Variants in ESF1 observed in about 807,000 individuals in gnomAD.
The protein encoded by ESF1 is ESF1 homolog.
Under a neutral mutation model 92.0 loss-of-function variants are expected in ESF1, and 58 were observed. The ratio of observed to expected loss-of-function variants is 0.63; its 90% confidence interval spans 0.51 to 0.78. ESF1 has a LOEUF of 0.78. ESF1 is among the 30% of genes least tolerant of loss of function. The pLI, the probability that ESF1 is intolerant of heterozygous loss-of-function variation, is 0.00. For synonymous variants in ESF1, 321 were observed against 313.7 expected (o/e 1.02, Z -0.24); for missense variants, 922 against 989.1 (o/e 0.93, Z 0.91).
intron 10 of ESF1, 27 bp from the exon 11 acceptor site, chr20:13,728,492 A>T: frequency 6.8e-7 from 1 of 1,470,582 alleles, no homozygotes; most frequent in Non-Finnish European, 9.3e-7. Context: ...AAAAATACAA[A>T]ATTTCATTAT....
intron 6 of ESF1, among the ~76,000 whole-genome samples, chr20:13,770,949 C>T (rs934811444): frequency 3.3e-5 from 5 of 152,160 alleles, no homozygotes; most frequent in African/African-American, 4.8e-5. Flanking sequence ...GGCTACTATA[C>T]TGGATAGCAT....
intron 9 of ESF1, among the ~76,000 whole-genome samples, chr20:13,743,167 T>C (rs1008217223): frequency 1.3e-5 from 2 of 152,140 alleles, no homozygotes; most frequent in Non-Finnish European, 2.9e-5. Context: ...ATCACGAGTA[T>C]CAGAGATGCA....
chr20:13,778,882 A>T (rs191925749), intron 2 of ESF1, among the ~76,000 whole-genome samples: 77 of 152,234 alleles, frequency 5.1e-4, no homozygotes, highest in Non-Finnish European at 6.3e-4. Context: ...CTTTGTCTCT[A>T]CAAAAATACA....
Position 13,782,524 on chromosome 20 carries a change from G to T in ESF1, c.617C>A (p.Thr206Lys). The T allele has an allele frequency of 6.5e-7, 1 of 1,545,566 alleles. No individual in the cohort carries two copies. Among genetic ancestry groups the T allele is most frequent in the Non-Finnish European group, 8.6e-7 (1 of 1,156,744 alleles). The change falls in exon 2 of 14, where the codon ACA (threonine) becomes AAA (lysine). Residue 206 changes from threonine (T) to lysine (K), a missense_variant. Coordinates refer to ENST00000617257, the MANE Select transcript of ESF1 (RefSeq NM_001276380.2). ...VKSPRIECSK[T>K]RREMQSVVQL... is the part of the protein sequence containing the mutation. Reference sequence around the variant, plus strand: ...CCTACCTGATTGCATTTCTCTTCTTGTCTTAGAACACTCGATTCTGGGAGA... The same window carrying T: ...CCTACCTGATTGCATTTCTCTTCTTTTCTTAGAACACTCGATTCTGGGAGA...
intron 9 of ESF1, among the ~76,000 whole-genome samples, chr20:13,751,889 G>A (rs1177592770): frequency 1.3e-5 from 2 of 152,116 alleles, no homozygotes; most frequent in Non-Finnish European, 2.9e-5. Flanking sequence ...CAGCTACTCA[G>A]GAGGCTGAGG....
At chr20:13,750,484 G>A (rs535390585) in intron 9 of ESF1, among the ~76,000 whole-genome samples, 8 of 152,158 alleles carry the variant, frequency 5.3e-5, no homozygotes, top group African/African-American at 1.7e-4. Flanking sequence ...CAGCCTGGGC[G>A]AAAGAGCGAG....
chr20:13,775,187 T>C lies in ESF1; in HGVS notation c.1119A>G (p.Lys373=), dbSNP rs2147776961. 1 of 1,608,248 alleles carries C rather than the reference T, an allele frequency of 6.2e-7. No individual in the cohort carries two copies. The highest frequency in any genetic ancestry group is 2.2e-5 in the East Asian group (1 of 44,696). ...KDLLALFNSF[K]PKGGVIFSVK... ...CGGAAAATATTACACCTCCTTTGGG[T>C]TTAAATGAATTGAACAGAGCCAGCA... Residue 373 remains lysine (K), a synonymous_variant, in exon 4 of 14, where the codon AAA becomes AAG. Coordinates refer to ENST00000617257, the MANE Select transcript of ESF1 (RefSeq NM_001276380.2).
chr20:13,727,568 G>A (rs1279709506), intron 11 of ESF1, among the ~76,000 whole-genome samples: 1 of 152,142 alleles, frequency 6.6e-6, no homozygotes, highest in Non-Finnish European at 1.5e-5. Context: ...TATAATGATC[G>A]GGGAAGGCAA....
intron 4 of ESF1, 113 bp from the exon 5 acceptor site, chr20:13,772,728 A>C (rs1979748482): frequency 1.5e-6 from 1 of 686,872 alleles, no homozygotes; most frequent in Non-Finnish European, 2.5e-6. Context: ...GAAAACAGTA[A>C]GGGTGACTCA....
At chr20:13,781,093 C>T (rs1170436874) in intron 2 of ESF1, among the ~76,000 whole-genome samples, 3 of 152,180 alleles carry the variant, frequency 2.0e-5, no homozygotes, top group Non-Finnish European at 2.9e-5. Flanking sequence ...TGACTTCTTC[C>T]TCCAGATTTC....
Position 13,772,554 on chromosome 20 carries a change from T to C in ESF1, c.1211A>G (p.Glu404Gly). 1 of 1,613,102 alleles carries C rather than the reference T, an allele frequency of 6.2e-7. No homozygotes were observed. ...MKEEQVQGPV[E>G]LLSIPEDAPE... ...GGCATCTTCAGGAATACTTAATAGC[T>C]CTACTGGTCCTTGAACTTGCTCTTC... The change falls in exon 5 of 14, where the codon GAG (glutamate) becomes GGG (glycine). Residue 404 changes from glutamate (E) to glycine (G), a missense_variant. Glu to Gly is a moderately conservative substitution (Grantham distance 98). Coordinates refer to ENST00000617257, the MANE Select transcript of ESF1 (RefSeq NM_001276380.2).
chr20:13,733,861 A>G lies in ESF1; in HGVS notation c.1829-19T>C. 1.3e-6 allele frequency: 2 copies of G among 1,587,568 alleles called. No homozygotes were observed. The highest frequency in any genetic ancestry group is 8.5e-7 in the Non-Finnish European group (1 of 1,172,376). ...TTAAGACCTGAGGAAAAATCCAAAT[A>G]GTTTAGCTTAAAATGTCTTATTGTC... On this transcript the variant is annotated intron_variant, in intron 9 of 13. Coordinates refer to ENST00000617257, the MANE Select transcript of ESF1 (RefSeq NM_001276380.2).
intron 9 of ESF1, among the ~76,000 whole-genome samples, chr20:13,751,574 G>T (rs1040752827): frequency 1.6e-4 from 25 of 152,218 alleles, no homozygotes; most frequent in Non-Finnish European, 2.9e-4. Flanking sequence ...GCAGGGATGT[G>T]GGGGGGAACC....
rs549049068 is a variant in ESF1 at position 13,773,444 on chromosome 20, C to T, written c.1150-829G>A. Among the ~76,000 whole-genome samples the T allele has an allele frequency of 1.1e-4, 16 of 152,130 alleles. No individual in the cohort carries two copies. In the East Asian group the frequency reaches 2.9e-3, roughly 28 times the overall value. On this transcript the variant is annotated intron_variant, in intron 4 of 13. Coordinates refer to ENST00000617257, the MANE Select transcript of ESF1 (RefSeq NM_001276380.2). ...GAAATTCTCACTATTGCCTAAAACA[C>T]AGGGTTTTTAAATTGTTTCTTTGGC... is the stretch of plus-strand genomic sequence containing the variant.
chr20:13,759,671 C>A, intron 9 of ESF1, 21 bp downstream of exon 9: 1 of 1,566,336 alleles, frequency 6.4e-7, no homozygotes, highest in Non-Finnish European at 8.6e-7. Context: ...AAAGAGAAAA[C>A]ATTTAGTATC....
chr20:13,750,155 G>A (rs13041971), intron 9 of ESF1, among the ~76,000 whole-genome samples: 4 of 152,154 alleles, frequency 2.6e-5, no homozygotes, highest in African/African-American at 9.7e-5. Flanking sequence ...ATGGCAATAT[G>A]GTCCCAGAGT....
intron 9 of ESF1, among the ~76,000 whole-genome samples, chr20:13,745,512 T>G (rs2050042756): frequency 6.6e-6 from 1 of 152,032 alleles, no homozygotes; most frequent in African/African-American, 2.4e-5. Flanking sequence ...AGTGTAACGG[T>G]AAGATTTTGG....
intron 9 of ESF1, among the ~76,000 whole-genome samples, chr20:13,756,487 G>A (rs1387938270): frequency 2.0e-5 from 3 of 152,182 alleles, no homozygotes; most frequent in African/African-American, 7.2e-5. Context: ...AACACTTCCA[G>A]AAAGCAATTT....
chr20:13,741,177 A>G (rs1251585111), intron 9 of ESF1, among the ~76,000 whole-genome samples: 1 of 152,122 alleles, frequency 6.6e-6, no homozygotes, highest in Non-Finnish European at 1.5e-5. Flanking sequence ...ATTCCCTGCC[A>G]ACTCTCTATC....
Sources: allele counts gnomAD v4.1 joint callset (sites outside exome capture counted in the v4.1 genomes callset), GRCh38; gene constraint gnomAD v4.1.1; transcripts MANE v1.5; gene names NCBI Gene and HGNC (gene_info 2026-07-23, HGNC 2026-07-21).